Variants in FUT8 observed in about 807,000 individuals in gnomAD.
FUT8 encodes alpha-(1,6)-fucosyltransferase.
In FUT8, 29 loss-of-function variants were observed where a neutral mutation model predicts 71.3. That is an observed-to-expected ratio of 0.41 (90% CI 0.30 to 0.55). The LOEUF (loss-of-function observed/expected upper bound fraction) is 0.55. Ranked by LOEUF, FUT8 falls within the 20% of genes least tolerant of loss-of-function variation. The pLI, the probability that FUT8 is intolerant of heterozygous loss-of-function variation, is 0.34. For synonymous variants in FUT8, 254 were observed against 239.3 expected, an observed-to-expected ratio of 1.06 and a Z score of -0.57; for missense variants, 544 against 702.1, an observed-to-expected ratio of 0.77 and a Z score of 2.55.
intron 3 of FUT8, among the ~76,000 whole-genome samples, chr14:65,600,485 C>T (rs188178387): frequency 1.3e-5 from 2 of 152,120 alleles, no homozygotes; most frequent in Admixed American, 6.5e-5. Flanking sequence ...GACAAATAAG[C>T]GCTTACATTA....
At chr14:65,464,761 T>C (rs2066017279) in intron 2 of FUT8, among the ~76,000 whole-genome samples, 1 of 152,196 alleles carries the variant, frequency 6.6e-6, no homozygotes, top group African/African-American at 2.4e-5. Flanking sequence ...CATTTGCCTC[T>C]GTGTTCATGA....
chr14:65,630,820 A>C (rs952854838), intron 6 of FUT8, among the ~76,000 whole-genome samples: 20 of 152,198 alleles, frequency 1.3e-4, no homozygotes, highest in African/African-American at 4.8e-4. Flanking sequence ...TCAAATCTCA[A>C]AATGTTTGAA....
chr14:65,634,289 T>C (rs1890413071), intron 6 of FUT8, among the ~76,000 whole-genome samples: 1 of 152,078 alleles, frequency 6.6e-6, no homozygotes, highest in African/African-American at 2.4e-5. Flanking sequence ...CTCTGAAACA[T>C]GTGCTGTGTC....
At chr14:65,499,809 C>T (rs1463486402) in intron 2 of FUT8, among the ~76,000 whole-genome samples, 2 of 141,182 alleles carry the variant, frequency 1.4e-5, no homozygotes, top group Non-Finnish European at 3.1e-5. Context: ...CACAGCAAGA[C>T]CCTGTCTCAA....
At chr14:65,736,004 A>G (rs1051222106) in intron 10 of FUT8, among the ~76,000 whole-genome samples, 2 of 152,266 alleles carry the variant, frequency 1.3e-5, no homozygotes, top group East Asian at 3.9e-4. Context: ...ATGCCAAACC[A>G]TTGACCACTG....
the FUT8 span, among the ~76,000 whole-genome samples, chr14:65,399,054 C>T: frequency 6.6e-6 from 1 of 152,216 alleles, no homozygotes; most frequent in Non-Finnish European, 1.5e-5. Context: ...AACGGTGGCT[C>T]ACGCCTGTAA....
chr14:65,542,339 A>T (rs1566812863), intron 2 of FUT8, among the ~76,000 whole-genome samples: 1 of 152,144 alleles, frequency 6.6e-6, no homozygotes, highest in Non-Finnish European at 1.5e-5. Context: ...TGTACTTTCC[A>T]AGATCTTATA....
intron 6 of FUT8, among the ~76,000 whole-genome samples, chr14:65,650,156 G>C (rs570365817): frequency 1.3e-5 from 2 of 151,798 alleles, no homozygotes; most frequent in Non-Finnish European, 2.9e-5. Flanking sequence ...AAAATTAGCC[G>C]GGCGTGGTGG....
intron 1 of FUT8, among the ~76,000 whole-genome samples, chr14:65,427,948 ACTC>A (rs760571807): frequency 2.0e-5 from 3 of 151,876 alleles, no homozygotes; most frequent in Non-Finnish European, 4.4e-5. Context: ...TCTTTTGTGT[ACTC>A]CTCCTTTCAT....
intron 6 of FUT8, among the ~76,000 whole-genome samples, chr14:65,657,031 A>C (rs1209488404): frequency 1.3e-5 from 2 of 152,200 alleles, no homozygotes; most frequent in African/African-American, 4.8e-5. Context: ...CTGAGACCTC[A>C]TACTATGAAA....
intron 1 of FUT8, among the ~76,000 whole-genome samples, chr14:65,454,331 T>TA (rs1306992890): frequency 1.3e-5 from 2 of 152,076 alleles, no homozygotes; most frequent in African/African-American, 4.8e-5. Flanking sequence ...ATGTAAATAA[T>TA]AAAGCATTAT....
At chr14:65,710,236 T>C (rs1894748110) in intron 7 of FUT8, among the ~76,000 whole-genome samples, 1 of 152,190 alleles carries the variant, frequency 6.6e-6, no homozygotes, top group African/African-American at 2.4e-5. Context: ...AATTGGCTTT[T>C]AAAATATTAA....
intron 6 of FUT8, among the ~76,000 whole-genome samples, chr14:65,665,492 A>T (rs1892166017): frequency 6.6e-6 from 1 of 152,184 alleles, no homozygotes; most frequent in African/African-American, 2.4e-5. Context: ...TGCTGGTGGG[A>T]GTGTAAATTA....
intron 10 of FUT8, among the ~76,000 whole-genome samples, chr14:65,737,116 A>G (rs1452971969): frequency 6.6e-6 from 1 of 152,120 alleles, no homozygotes. Flanking sequence ...TTTTAGACCT[A>G]TCTCCCTCAG....
the FUT8 span, among the ~76,000 whole-genome samples, chr14:65,366,600 G>T: frequency 6.6e-6 from 1 of 152,106 alleles, no homozygotes; most frequent in Non-Finnish European, 1.5e-5. Context: ...CATCACTTTG[G>T]TTAGTAGTGG....
intron 8 of FUT8, 81 bp downstream of exon 8, chr14:65,722,102 C>A: frequency 6.6e-7 from 1 of 1,514,628 alleles, no homozygotes; most frequent in Non-Finnish European, 8.9e-7. Flanking sequence ...GTGAATTTTA[C>A]AATATGTAGT....
At chr14:65,473,256 T>C (rs1265039540) in intron 2 of FUT8, among the ~76,000 whole-genome samples, 1 of 152,224 alleles carries the variant, frequency 6.6e-6, no homozygotes, top group Non-Finnish European at 1.5e-5. Flanking sequence ...ATTGCTGTAA[T>C]ATCTTTGTAC....
At chr14:65,438,570 A>T (rs1273763988) in intron 1 of FUT8, among the ~76,000 whole-genome samples, 1 of 152,222 alleles carries the variant, frequency 6.6e-6, no homozygotes, top group African/African-American at 2.4e-5. Context: ...AAGACCCTGT[A>T]TATTTATGTC....
chr14:65,522,906 C>T (rs199702822), intron 2 of FUT8, among the ~76,000 whole-genome samples: 10 of 152,116 alleles, frequency 6.6e-5, no homozygotes, highest in Admixed American at 4.6e-4. Context: ...ATGAACTCAT[C>T]CTTTTTTATG....
Sources: gnomAD v4.1 joint callset for allele counts (sites outside exome capture counted in the v4.1 genomes callset) on GRCh38, gnomAD v4.1.1 for gene constraint, MANE v1.5 for transcripts, NCBI Gene and HGNC (gene_info 2026-07-23, HGNC 2026-07-21) for gene names.